CLIC4: variants seen among roughly 807,000 people sequenced by gnomAD.
CLIC4 encodes CLIC family member 4.
A neutral mutation model predicts 24.6 loss-of-function variants in CLIC4; 13 were observed. That is an observed-to-expected ratio of 0.53 (90% CI 0.34 to 0.84). CLIC4 has a LOEUF of 0.84. Ranked by LOEUF, CLIC4 falls within the 40% of genes least tolerant of loss-of-function variation. The probability of loss-of-function intolerance (pLI) is 0.01; values close to 1 mark genes in which losing one functional copy is unlikely to be tolerated. For missense variants in CLIC4, 227 were observed against 301.7 expected (o/e 0.75, Z 1.83); for synonymous variants, 104 against 111.3 (o/e 0.93, Z 0.41).
At chr1:24,830,862 A>G (rs1012052884) in intron 4 of CLIC4, among the ~76,000 whole-genome samples, 1 of 152,152 alleles carries the variant, frequency 6.6e-6, no homozygotes, top group Non-Finnish European at 1.5e-5. Context: ...CTACTTTGTG[A>G]TGGCTTGCTA....
intron 1 of CLIC4, among the ~76,000 whole-genome samples, chr1:24,795,271 TA>T (rs1639384603): frequency 6.6e-6 from 1 of 152,206 alleles, no homozygotes; most frequent in Non-Finnish European, 1.5e-5. Flanking sequence ...TAGGAAAATC[TA>T]CCTCATCATT....
chr1:24,748,713 G>T (rs1019620524), intron 1 of CLIC4, among the ~76,000 whole-genome samples: 8 of 151,660 alleles, frequency 5.3e-5, no homozygotes, highest in African/African-American at 1.9e-4. Flanking sequence ...TGGCCAGGCT[G>T]GTCTCAAACT....
rs1166916940 is a variant in CLIC4 at position 24,842,030 on chromosome 1, AC to A, written c.*1095del. ...ATAAAAGAAAGATAAAACACAGGTCACCAATTTTCTCATTTCACCCCATTTA... is the reference window on the plus strand; with the variant it reads ...ATAAAAGAAAGATAAAACACAGGTCACAATTTTCTCATTTCACCCCATTTA... On this transcript the variant is annotated 3_prime_UTR_variant, in exon 6 of 6. Transcript: ENST00000374379. The A allele has an allele frequency of 6.6e-6, 1 of 152,626 alleles. No individual in the cohort carries two copies. The highest frequency in any genetic ancestry group is 1.5e-5 in the Non-Finnish European group (1 of 68,038). The allele number at this position is 152,626 out of a possible 1,614,324, so 9.5% of individuals were successfully genotyped here. A position where few individuals can be genotyped will look rare whatever the true frequency, so the allele number is the denominator to read the frequency against.
intron 1 of CLIC4, among the ~76,000 whole-genome samples, chr1:24,790,169 T>C (rs1228471977): frequency 1.3e-5 from 2 of 152,220 alleles, no homozygotes; most frequent in Non-Finnish European, 2.9e-5. Flanking sequence ...CCTGCCAGGT[T>C]CAAGCAATTC....
intron 3 of CLIC4, among the ~76,000 whole-genome samples, chr1:24,823,946 C>T (rs1639761810): frequency 6.6e-6 from 1 of 152,116 alleles, no homozygotes; most frequent in African/African-American, 2.4e-5. Context: ...GAATTAAGGA[C>T]TTATCTGAAA....
At chr1:24,750,439 T>TC (rs1303316121) in intron 1 of CLIC4, among the ~76,000 whole-genome samples, 11 of 149,228 alleles carry the variant, frequency 7.4e-5, no homozygotes, top group African/African-American at 1.2e-4. Flanking sequence ...TTTCTTTCTT[T>TC]TTTTTTTTTT....
At chr1:24,840,086 G>A in intron 5 of CLIC4, 45 bp downstream of exon 5, 9 of 1,534,176 alleles carry the variant, frequency 5.9e-6, no homozygotes, top group Non-Finnish European at 8.0e-6. Context: ...ACCTTGTATT[G>A]TATTTACTAA....
chr1:24,800,835 G>C (rs1259769229), intron 2 of CLIC4, among the ~76,000 whole-genome samples: 4 of 152,108 alleles, frequency 2.6e-5, no homozygotes, highest in Non-Finnish European at 5.9e-5. Context: ...GGTGGTGCAA[G>C]ATGTGCTTTG....
chr1:24,829,716 A>G (rs1468423076), intron 4 of CLIC4, among the ~76,000 whole-genome samples: 3 of 152,178 alleles, frequency 2.0e-5, no homozygotes, highest in Non-Finnish European at 2.9e-5. Context: ...AAATTCCTAT[A>G]TTTAGATGGA....
intron 1 of CLIC4, among the ~76,000 whole-genome samples, chr1:24,788,103 C>T (rs1381091550): frequency 1.3e-5 from 2 of 152,180 alleles, no homozygotes; most frequent in Middle Eastern, 3.4e-3. Context: ...CTGCCTGCCT[C>T]GGCCTCCCAA....
In CLIC4 at chr1:24,840,799, T is replaced by C. The variant is rs781583081; in HGVS notation, c.624T>C (p.Phe208=). The C allele has an allele frequency of 6.2e-7, 1 of 1,607,552 alleles. No individual in the cohort carries two copies. Among genetic ancestry groups the C allele is most frequent in the Non-Finnish European group, 8.5e-7 (1 of 1,177,460 alleles). ...VKVVAKKYRN[F]DIPKEMTGIW... ...TGGTGGCCAAAAAATATCGCAACTT[T>C]GATATTCCAAAAGAAATGACTGGCA... Residue 208 remains phenylalanine (F), a synonymous_variant, in exon 6 of 6, where the codon TTT becomes TTC. Transcript: ENST00000374379.
chr1:24,807,991 C>T (rs1193449305), intron 2 of CLIC4, among the ~76,000 whole-genome samples: 3 of 151,232 alleles, frequency 2.0e-5, no homozygotes, highest in Admixed American at 6.6e-5. Context: ...GCTCTTGTTG[C>T]CCAGGCTGGA....
intron 1 of CLIC4, among the ~76,000 whole-genome samples, chr1:24,766,851 A>C (rs924347223): frequency 2.6e-5 from 4 of 151,276 alleles, no homozygotes; most frequent in Non-Finnish European, 5.9e-5. Context: ...GGAATTGAAG[A>C]CCATTTGAAT....
rs370729390 is a variant in CLIC4, at chr1:24,750,654, C to T, written c.72+5029C>T. 1.2e-4 allele frequency among the ~76,000 whole-genome samples: 19 copies of T among 152,002 alleles called. No homozygotes were observed. In the East Asian group the frequency reaches 2.9e-3, roughly 23 times the overall value. ...TGCTGGGATTACAGGCGTGAGCCACCGAGCCTGGCCTACTGCCTGAGTTTC... is the reference window on the plus strand; with the variant it reads ...TGCTGGGATTACAGGCGTGAGCCACTGAGCCTGGCCTACTGCCTGAGTTTC... On this transcript the variant is annotated intron_variant, in intron 1 of 5. Coordinates refer to ENST00000374379, the MANE Select transcript of CLIC4 (RefSeq NM_013943.3).
rs745802400 is a variant in CLIC4 at position 24,745,601 on chromosome 1, G to GC, written c.52dup (p.Leu18ProfsTer11). 1.9e-6 allele frequency: 3 copies of GC among 1,581,110 alleles called. No homozygotes were observed. The highest frequency in any genetic ancestry group is 2.3e-5 in the South Asian group (2 of 86,150). On this transcript the variant is annotated frameshift_variant, in exon 1 of 6. Coordinates refer to ENST00000374379, the MANE Select transcript of CLIC4 (RefSeq NM_013943.3). LOFTEE classifies it high-confidence loss of function. Reference sequence around the variant, plus strand: ...ATGGGCTGAAGGAGGAGGACAAAGAGCCCCTCATCGAGCTCTTCGTCAAGG... The same window carrying GC: ...ATGGGCTGAAGGAGGAGGACAAAGAGCCCCCTCATCGAGCTCTTCGTCAAGG...
intron 2 of CLIC4, among the ~76,000 whole-genome samples, chr1:24,803,305 C>G (rs908942212): frequency 4.6e-5 from 7 of 152,146 alleles, no homozygotes; most frequent in Admixed American, 2.0e-4. Flanking sequence ...GAAGTACTGA[C>G]TCCAGAACAA....
intron 1 of CLIC4, among the ~76,000 whole-genome samples, chr1:24,795,525 C>T (rs1001905686): frequency 3.3e-5 from 5 of 151,206 alleles, no homozygotes; most frequent in African/African-American, 1.2e-4. Context: ...ATAGTAAGAT[C>T]CTATCTCTAA....
intron 1 of CLIC4, among the ~76,000 whole-genome samples, chr1:24,795,822 C>A (rs1383663155): frequency 6.6e-6 from 1 of 152,184 alleles, no homozygotes; most frequent in Non-Finnish European, 1.5e-5. Flanking sequence ...CCCGCCTTGG[C>A]CTCCCAAAGT....
chr1:24,754,218 G>C (rs1376129854), intron 1 of CLIC4, among the ~76,000 whole-genome samples: 4 of 152,214 alleles, frequency 2.6e-5, no homozygotes, highest in Non-Finnish European at 4.4e-5. Flanking sequence ...GAAGAGGCAG[G>C]AGGCTTTGAG....
Sources: gnomAD v4.1 joint callset for allele counts (sites outside exome capture counted in the v4.1 genomes callset) on GRCh38, gnomAD v4.1.1 for gene constraint, MANE v1.5 for transcripts, NCBI Gene and HGNC (gene_info 2026-07-23, HGNC 2026-07-21) for gene names.